The following PPIL4 variants were observed in gnomAD, a reference collection of about 807,000 sequenced individuals.
PPIL4 encodes the protein peptidyl-prolyl cis-trans isomerase-like 4.
A neutral mutation model predicts 69.1 loss-of-function variants in PPIL4; 50 were observed. The ratio of observed to expected loss-of-function variants is 0.72; its 90% CI spans 0.58 to 0.92. The LOEUF (loss-of-function observed/expected upper bound fraction) is 0.92. Among genes scored for constraint, PPIL4 ranks in the 40% least tolerant of loss-of-function variants. PPIL4 has a pLI of 0.00. For synonymous variants in PPIL4, 193 were observed against 191.6 expected, an observed-to-expected ratio of 1.01 and a Z score of -0.06; for missense variants, 480 against 587.9, an observed-to-expected ratio of 0.82 and a Z score of 1.90.
rs369384515 is a variant in PPIL4 at position 149,533,600 on chromosome 6, A to C, written c.562-26T>G. The C allele has an allele frequency of 2.1e-5, 27 of 1,290,370 alleles. No individual in the cohort carries two copies. The African/African-American group carries it at 3.6e-4, about 17-fold the overall frequency. The allele number at this position is 1,290,370 out of a possible 1,614,324, so 79.9% of individuals were successfully genotyped here. On this transcript the variant is annotated intron_variant, in intron 6 of 12. Transcript: ENST00000253329. ...CTGTTAAGACAGAAGTTACTCATGTATATATTTAAAGAATAAAAAAATCTG... is the reference window on the plus strand; with the variant it reads ...CTGTTAAGACAGAAGTTACTCATGTCTATATTTAAAGAATAAAAAAATCTG...
In PPIL4 at chr6:149,525,229, A is replaced by G; in HGVS notation, c.804-20T>C. On this transcript the variant is annotated intron_variant, in intron 8 of 12. Coordinates refer to ENST00000253329, the MANE Select transcript of PPIL4 (RefSeq NM_139126.4). The stretch of plus-strand genomic sequence containing the variant: ...TCACAACTGAAAGAAAGTATTTAAA[A>G]GTGACTTAAAAAAAAAAAAAAGGAA... 1 of 1,381,594 alleles carries G rather than the reference A, an allele frequency of 7.2e-7. No homozygotes were observed. Among genetic ancestry groups the G allele is most frequent in the Non-Finnish European group, 1.0e-6 (1 of 992,598 alleles). The allele number at this position is 1,381,594 out of a possible 1,614,324, so 85.6% of individuals were successfully genotyped here.
At chr6:149,524,391 TAA>T (rs1777075695) in intron 9 of PPIL4, among the ~76,000 whole-genome samples, 1 of 152,230 alleles carries the variant, frequency 6.6e-6, no homozygotes, top group African/African-American at 2.4e-5. Context: ...CCATCTATTC[TAA>T]TACCCAAGTT....
chr6:149,512,365 T>C, intron 11 of PPIL4, 63 bp from the exon 12 acceptor site: 1 of 1,317,198 alleles, frequency 7.6e-7, no homozygotes, highest in Admixed American at 2.1e-5. Context: ...AAACTTAAGA[T>C]CTGGTAAACA....
chr6:149,538,485 C>A (rs1777312886), intron 4 of PPIL4, among the ~76,000 whole-genome samples: 1 of 151,996 alleles, frequency 6.6e-6, no homozygotes, highest in East Asian at 1.9e-4. Flanking sequence ...AAAAAAAATA[C>A]ATTTTGTGAG....
At chr6:149,514,801 C>T (rs568813041) in intron 11 of PPIL4, among the ~76,000 whole-genome samples, 1 of 148,976 alleles carries the variant, frequency 6.7e-6, no homozygotes, top group South Asian at 2.1e-4. Flanking sequence ...AATGTTTGTA[C>T]TGTGACTGTA....
intron 9 of PPIL4, among the ~76,000 whole-genome samples, chr6:149,523,437 T>C (rs181103427): frequency 1.3e-5 from 2 of 152,334 alleles, no homozygotes; most frequent in Admixed American, 1.3e-4. Context: ...AAGCCTATAA[T>C]TCCAGCACTT....
At chr6:149,542,626 CAT>C (rs1438434724) in intron 1 of PPIL4, among the ~76,000 whole-genome samples, 6 of 151,766 alleles carry the variant, frequency 4.0e-5, no homozygotes, top group African/African-American at 9.7e-5. Context: ...TAATTAATAA[CAT>C]GTGTGCCACT....
At chr6:149,541,093 C>T (rs934232840) in intron 3 of PPIL4, 34 bp from the exon 4 acceptor site, 2 of 1,254,158 alleles carry the variant, frequency 1.6e-6, no homozygotes, top group Non-Finnish European at 1.2e-6. Context: ...AATGTAAGTA[C>T]TCTCAAAATG....
Position 149,546,038 on chromosome 6 carries a change from GA to G in PPIL4, c.-34del, listed in dbSNP as rs1777436811. 5.8e-6 allele frequency: 9 copies of G among 1,552,800 alleles called. No individual in the cohort carries two copies. Among genetic ancestry groups the G allele is most frequent in the East Asian group, 4.8e-5 (2 of 41,242 alleles). ...GCTCCTCCTCCGCTACAAACCCCGG[GA>G]GGAGGGGGGTGACAGGCGCAGGCCG... On this transcript the variant is annotated 5_prime_UTR_variant, in exon 1 of 13. Transcript: ENST00000253329.
chr6:149,525,077 T>C (rs1777086789), intron 9 of PPIL4, 66 bp downstream of exon 9: 1 of 823,596 alleles, frequency 1.2e-6, no homozygotes, highest in Non-Finnish European at 1.9e-6. Flanking sequence ...AGTTCTATAA[T>C]TTTTCACATT....
At chr6:149,510,896 ATG>A (rs943395541) in intron 12 of PPIL4, among the ~76,000 whole-genome samples, 2 of 152,236 alleles carry the variant, frequency 1.3e-5, no homozygotes, top group African/African-American at 2.4e-5. Flanking sequence ...AGTGTAGAAA[ATG>A]TTTGCACACG....
chr6:149,516,626 T>C (rs17087545), intron 11 of PPIL4, among the ~76,000 whole-genome samples: 10,208 of 152,250 alleles, frequency 0.067, 804 homozygotes, highest in African/African-American at 0.19. Context: ...TGTCATAATA[T>C]AAACAGTATG....
At chr6:149,545,878 A>C (rs1213276914) in intron 1 of PPIL4, 58 bp downstream of exon 1, 2 of 1,477,666 alleles carry the variant, frequency 1.4e-6, no homozygotes, top group Non-Finnish European at 9.3e-7. Context: ...CAGAGAAGGG[A>C]AAGTAGGGAG....
intron 5 of PPIL4, 91 bp from the exon 6 acceptor site, chr6:149,534,865 A>G: frequency 1.3e-6 from 1 of 752,912 alleles, no homozygotes; most frequent in South Asian, 2.1e-5. Flanking sequence ...TTACTTGATT[A>G]TCTCTAAGGC....
Position 149,541,506 on chromosome 6 carries a change from T to A in PPIL4, c.138+13A>T. 6.5e-7 allele frequency: 1 copy of A among 1,544,298 alleles called. No individual in the cohort carries two copies. Among genetic ancestry groups the A allele is most frequent in the Non-Finnish European group, 8.9e-7 (1 of 1,118,634 alleles). On this transcript the variant is annotated intron_variant, in intron 2 of 12. Transcript: ENST00000253329. ...CCAATAACAAAGGAAATGACTAATA[T>A]CTACCAACTCACCTGTACATTGTGA...
intron 12 of PPIL4, among the ~76,000 whole-genome samples, chr6:149,506,156 A>T (rs1363287027): frequency 6.6e-6 from 1 of 152,210 alleles, no homozygotes; most frequent in African/African-American, 2.4e-5. Flanking sequence ...TAGCAGGAAG[A>T]GATCTTAGAC....
At position 149,506,923 on chromosome 6, in the gene PPIL4, T is replaced by C. The variant is rs552902669; in HGVS notation, c.1228-1219A>G. The stretch of plus-strand genomic sequence containing the variant: ...GATTAGGCTTATGTCAAAATTATTA[T>C]ATTTCTTTAAAATGAGTTTTTAAAC... On this transcript the variant is annotated intron_variant, in intron 12 of 12. Transcript: ENST00000253329. Among the ~76,000 whole-genome samples, 7 of 152,354 alleles carry C rather than the reference T, an allele frequency of 4.6e-5. No individual in the cohort carries two copies. The East Asian group carries it at 1.2e-3, about 25-fold the overall frequency.
chr6:149,533,655 G>A, intron 6 of PPIL4, 81 bp from the exon 7 acceptor site: 1 of 779,326 alleles, frequency 1.3e-6, no homozygotes, highest in Non-Finnish European at 2.1e-6. Context: ...TTTATTCTTA[G>A]TTATATCAAA....
At chr6:149,511,519 C>T (rs1189166551) in intron 12 of PPIL4, among the ~76,000 whole-genome samples, 1 of 152,104 alleles carries the variant, frequency 6.6e-6, no homozygotes, top group Non-Finnish European at 1.5e-5. Flanking sequence ...AAGCGATCTA[C>T]CTGCCTCGGC....
Sources: allele counts gnomAD v4.1 joint callset (sites outside exome capture counted in the v4.1 genomes callset), GRCh38; gene constraint gnomAD v4.1.1; transcripts MANE v1.5; gene names NCBI Gene and HGNC (gene_info 2026-07-23, HGNC 2026-07-21).